Variants in RNF6 observed in about 807,000 individuals in gnomAD.
RNF6 encodes the protein E3 ubiquitin-protein ligase RNF6.
RNF6 carries 21 observed loss-of-function variants against 50.1 expected under a neutral mutation model. The ratio of observed to expected loss-of-function variants is 0.42; its 90% CI spans 0.30 to 0.60. RNF6 has a LOEUF of 0.60. Ranked by LOEUF, RNF6 falls within the 20% of genes least tolerant of loss-of-function variation. The probability of loss-of-function intolerance (pLI) is 0.20; values close to 1 mark genes in which losing one functional copy is unlikely to be tolerated. For synonymous variants in RNF6, 255 were observed against 291.8 expected (o/e 0.87, Z 1.29); for missense variants, 698 against 838.2 (o/e 0.83, Z 2.07).
rs115452404 is a variant in RNF6 at position 26,156,308 on chromosome 13, A to T, written n.769-23857T>A. Among the ~76,000 whole-genome samples the T allele has an allele frequency of 8.5e-3, 1,293 of 152,330 alleles. 17 individuals carry two copies. Among genetic ancestry groups the T allele is most frequent in the African/African-American group, 0.029 (1,204 of 41,564 alleles). On this transcript the variant is annotated intron_variant and non_coding_transcript_variant, in intron 5 of 5. Transcript: ENST00000468480. ...CTTGTAAAGATTAAGGGGACGATCC[A>T]CAAATGAAGACACAAGTGCTATAAG...
At chr13:26,142,234 G>T (rs1330110865) in intron 5 of RNF6, 2 of 152,156 alleles carry the variant, frequency 1.3e-5, no homozygotes, top group African/African-American at 2.4e-5. Context: ...AACAACAGAT[G>T]TTGGTGAGCC....
At chr13:26,171,573 G>A (rs1287898396) in intron 5 of RNF6, among the ~76,000 whole-genome samples, 1 of 152,052 alleles carries the variant, frequency 6.6e-6, no homozygotes, top group Admixed American at 6.6e-5. Context: ...TTAAAAGCAG[G>A]GATTCAAACA....
chr13:26,216,099 C>T (rs1869846541), intron 4 of RNF6, among the ~76,000 whole-genome samples: 1 of 152,150 alleles, frequency 6.6e-6, no homozygotes, highest in African/African-American at 2.4e-5. Flanking sequence ...CAAAAATGTA[C>T]ACATCAAGAA....
chr13:26,165,365 C>T (rs1037058807), intron 5 of RNF6, among the ~76,000 whole-genome samples: 14 of 152,204 alleles, frequency 9.2e-5, no homozygotes, highest in Admixed American at 4.6e-4. Flanking sequence ...TCATGGAGAA[C>T]GTCTGCTAGG....
intron 4 of RNF6, among the ~76,000 whole-genome samples, chr13:26,217,677 A>G (rs948282387): frequency 6.6e-6 from 1 of 152,358 alleles, no homozygotes; most frequent in Middle Eastern, 3.4e-3. Flanking sequence ...TACAGAAGCC[A>G]CTAGCCAAAT....
At chr13:26,208,045 A>T (rs560369936), downstream of RNF6, among the ~76,000 whole-genome samples, 4 of 152,198 alleles carry the variant, frequency 2.6e-5, no homozygotes, top group Non-Finnish European at 5.9e-5. Context: ...GCAATCACAA[A>T]TGTGGTCCTA....
rs1284287192 is a variant in RNF6 at position 26,137,037 on chromosome 13, T to TA, written n.769-4587dup. Among the ~76,000 whole-genome samples the TA allele has an allele frequency of 3.2e-4, 48 of 152,290 alleles. 1 individual carries two copies. Among genetic ancestry groups the TA allele is most frequent in the Non-Finnish European group, 1.3e-4 (9 of 68,010 alleles). Reference sequence around the variant, plus strand: ...GAAAAATAACAACTCACATTCTCATTACTGAGGAAGCTAAACAAAGCTACA... The same window carrying TA: ...GAAAAATAACAACTCACATTCTCATTAACTGAGGAAGCTAAACAAAGCTACA... On this transcript the variant is annotated intron_variant and non_coding_transcript_variant, in intron 5 of 5. Transcript: ENST00000468480.
In RNF6 at chr13:26,215,507, T is replaced by G; in HGVS notation, c.375A>C (p.Arg125=). The G allele has an allele frequency of 1.9e-6, 3 of 1,614,008 alleles. No individual in the cohort carries two copies. The highest frequency in any genetic ancestry group is 2.5e-6 in the Non-Finnish European group (3 of 1,180,046). Residue 125 remains arginine, a synonymous_variant, in exon 5 of 5, where the codon CGA becomes CGC. Coordinates refer to ENST00000381588, the MANE Select transcript of RNF6 (RefSeq NM_005977.4). ...NTFRRTGNAT[R]SGQNGNQTWR... The stretch of plus-strand genomic sequence containing the variant: ...AAGTTTGGTTCCCATTTTGTCCACT[T>G]CGAGTTGCATTTCCTGTGCGCCGAA...
chr13:26,148,632 TTATATATATATATA>T (rs57373126), intron 5 of RNF6, among the ~76,000 whole-genome samples: 9,339 of 47,078 alleles, frequency 0.2, 842 homozygotes, highest in East Asian at 0.33. Flanking sequence ...ATAAATCTCT[TTATATATATATATA>T]TATATATATA....
chr13:26,210,793 A>G (rs1192667094), downstream of RNF6, among the ~76,000 whole-genome samples: 1 of 152,236 alleles, frequency 6.6e-6, no homozygotes, highest in Non-Finnish European at 1.5e-5. Context: ...GGTTTAAATT[A>G]TGAATTCATG....
chr13:26,215,013 G>A lies in RNF6; in HGVS notation c.869C>T (p.Thr290Ile), dbSNP rs930253243. ...TAATCTTTGGTTTGTATTCCTCACTGTAACATTACTTCTAGCCCCATTTTC... is the reference window on the plus strand; with the variant it reads ...TAATCTTTGGTTTGTATTCCTCACTATAACATTACTTCTAGCCCCATTTTC... Reference protein sequence around the residue: ...VWENGARSNVTVRNTNQRLEP... With the variant: ...VWENGARSNVIVRNTNQRLEP... The change falls in exon 5 of 5, where the codon ACA becomes ATA. Residue 290 changes from threonine (T) to isoleucine (I), a missense_variant. Transcript: ENST00000381588. 2 of 1,614,186 alleles carry A rather than the reference G, an allele frequency of 1.2e-6. No individual in the cohort carries two copies. Among genetic ancestry groups the A allele is most frequent in the Non-Finnish European group, 8.5e-7 (1 of 1,180,026 alleles).
intron 5 of RNF6, among the ~76,000 whole-genome samples, chr13:26,206,931 A>T (rs1817590323): frequency 1.3e-5 from 2 of 152,126 alleles, no homozygotes; most frequent in South Asian, 4.1e-4. Flanking sequence ...AAAAAAAATT[A>T]AAAATTTTAT....
At chr13:26,204,759 CTA>C (rs1593185704) in intron 5 of RNF6, among the ~76,000 whole-genome samples, 4 of 152,076 alleles carry the variant, frequency 2.6e-5, no homozygotes, top group Admixed American at 2.6e-4. Context: ...AGAAATATGA[CTA>C]TTCATCTAAT....
Position 26,173,055 on chromosome 13 carries a change from C to T in RNF6, n.769-40604G>A, listed in dbSNP as rs373276151. ...GAACATGCACAAACTCAGTGAAGCT[C>T]AAACTAAAAATTAAAGACGAGGACA... On this transcript the variant is annotated intron_variant and non_coding_transcript_variant, in intron 5 of 5. Transcript: ENST00000468480. 6.5e-4 allele frequency among the ~76,000 whole-genome samples: 99 copies of T among 152,216 alleles called. 1 individual carries two copies. Among genetic ancestry groups the T allele is most frequent in the African/African-American group, 2.3e-3 (96 of 41,536 alleles).
At chr13:26,144,417 CA>C (rs1433425260) in intron 5 of RNF6, among the ~76,000 whole-genome samples, 1 of 151,582 alleles carries the variant, frequency 6.6e-6, no homozygotes, top group Non-Finnish European at 1.5e-5. Flanking sequence ...GGTCTACCCA[CA>C]TACCTCTTCT....
At chr13:26,176,670 C>T (rs763237921) in intron 5 of RNF6, among the ~76,000 whole-genome samples, 22 of 152,216 alleles carry the variant, frequency 1.4e-4, no homozygotes, top group Non-Finnish European at 2.1e-4. Flanking sequence ...CAGTGGCTCA[C>T]GCCTGTCATC....
intron 5 of RNF6, among the ~76,000 whole-genome samples, chr13:26,206,182 T>TC (rs1186772465): frequency 5.0e-5 from 7 of 141,404 alleles, no homozygotes; most frequent in Admixed American, 2.1e-4. Flanking sequence ...CCCATCCGCC[T>TC]CCCCCCCACC....
chr13:26,219,767 C>T, intron 2 of RNF6, 100 bp from the exon 3 acceptor site: 1 of 1,061,350 alleles, frequency 9.4e-7, no homozygotes, highest in South Asian at 1.7e-5. Context: ...TAAATGTTGT[C>T]CCCTACCCAA....
chr13:26,151,592 T>C (rs1473715826), intron 5 of RNF6, among the ~76,000 whole-genome samples: 1 of 150,750 alleles, frequency 6.6e-6, no homozygotes, highest in African/African-American at 2.4e-5. Context: ...ATATCTTAAC[T>C]GAACCTTTTC....
Sources: gnomAD v4.1 joint callset for allele counts (sites outside exome capture counted in the v4.1 genomes callset) on GRCh38, gnomAD v4.1.1 for gene constraint, MANE v1.5 for transcripts, NCBI Gene and HGNC (gene_info 2026-07-23, HGNC 2026-07-21) for gene names.